The following TRIM29 variants were observed in gnomAD, a reference collection of about 807,000 sequenced individuals.
TRIM29 encodes tripartite motif-containing protein 29.
TRIM29 carries 52 observed loss-of-function variants against 57.3 expected under a neutral mutation model. The observed-to-expected ratio is 0.91, with a 90% CI of 0.73 to 1.14. The LOEUF is 1.14. TRIM29 is among the 50% of genes most tolerant of loss of function. TRIM29 has a pLI of 0.00. For missense variants in TRIM29, 753 were observed against 774.6 expected (o/e 0.97, Z 0.33); for synonymous variants, 319 against 316.9 (o/e 1.01, Z -0.07).
At chr11:120,117,221 T>C in intron 7 of TRIM29, 1 of 204,170 alleles carries the variant, frequency 4.9e-6, no homozygotes, top group Non-Finnish European at 1.0e-5. Flanking sequence ...GAAAGGCGCC[T>C]GCTAGAAGCC....
intron 7 of TRIM29, 181 bp from the exon 8 acceptor site, chr11:120,115,595 G>A: frequency 3.3e-6 from 2 of 597,752 alleles, no homozygotes; most frequent in South Asian, 4.0e-5. Flanking sequence ...ATCCTGGGGA[G>A]GCTGGCCAAA....
intron 6 of TRIM29, among the ~76,000 whole-genome samples, chr11:120,119,655 G>A (rs1283041190): frequency 2.6e-5 from 4 of 152,178 alleles, no homozygotes; most frequent in Non-Finnish European, 2.9e-5. Flanking sequence ...GAGGGGTGCC[G>A]CTGATCACGG....
intron 6 of TRIM29, among the ~76,000 whole-genome samples, chr11:120,119,974 C>A (rs1420206368): frequency 6.6e-6 from 1 of 152,146 alleles, no homozygotes; most frequent in Non-Finnish European, 1.5e-5. Flanking sequence ...CACATCCCCA[C>A]ACCCATTTCA....
chr11:120,116,893 G>GC (rs1341377737), intron 7 of TRIM29: 23 of 344,918 alleles, frequency 6.7e-5, no homozygotes, highest in Non-Finnish European at 1.2e-4. Flanking sequence ...GTGGCAGAGA[G>GC]CCCCCCATGT....
chr11:120,134,525 C>T (rs1863780865), intron 1 of TRIM29, among the ~76,000 whole-genome samples: 1 of 152,220 alleles, frequency 6.6e-6, no homozygotes, highest in Admixed American at 6.5e-5. Context: ...GCCAATGTCC[C>T]CCACCTGTGA....
At chr11:120,120,308 T>C (rs527899034) in intron 6 of TRIM29, among the ~76,000 whole-genome samples, 31 of 150,740 alleles carry the variant, frequency 2.1e-4, no homozygotes, top group Non-Finnish European at 4.0e-4. Flanking sequence ...CTGGCTGTTT[T>C]TCCTCCAGCC....
intron 1 of TRIM29, among the ~76,000 whole-genome samples, chr11:120,134,903 C>T (rs1298306518): frequency 1.3e-5 from 2 of 152,150 alleles, no homozygotes; most frequent in Admixed American, 6.5e-5. Context: ...TCTGTTGGCC[C>T]GGCATTCTGT....
At position 120,112,466 on chromosome 11, in the gene TRIM29, C is replaced by T. The variant is rs752814777; in HGVS notation, c.1715G>A (p.Arg572Gln). 5.6e-6 allele frequency: 9 copies of T among 1,613,366 alleles called. No individual in the cohort carries two copies. In the East Asian group the frequency reaches 6.7e-5, roughly 12 times the overall value. ...GTTGCCTTTGTTGACGTAGAATGGCCGGTAGTGAGACTGTGGGGGAAACAA... is the reference window on the plus strand; with the variant it reads ...GTTGCCTTTGTTGACGTAGAATGGCTGGTAGTGAGACTGTGGGGGAAACAA... Reference protein sequence around the residue: ...SGKQTMLSHYRPFYVNKGNGI... With the variant: ...SGKQTMLSHYQPFYVNKGNGI... The change falls in exon 9 of 9, where the codon CGG (arginine) becomes CAG (glutamine). Residue 572 changes from arginine (R) to glutamine (Q), a missense_variant. Transcript: ENST00000341846.
chr11:120,124,444 A>T (rs537253465), intron 4 of TRIM29: 1 of 152,384 alleles, frequency 6.6e-6, no homozygotes, highest in Admixed American at 6.5e-5. Context: ...TGAACAGCAG[A>T]GTGTTCAACC....
At chr11:120,130,943 G>C (rs2135024670) in intron 1 of TRIM29, among the ~76,000 whole-genome samples, 1 of 152,328 alleles carries the variant, frequency 6.6e-6, no homozygotes, top group East Asian at 1.9e-4. Context: ...TCCGGACACA[G>C]AGTGAACAGT....
intron 1 of TRIM29, among the ~76,000 whole-genome samples, chr11:120,133,970 C>T (rs188540394): frequency 1.1e-4 from 17 of 152,226 alleles, no homozygotes; most frequent in Admixed American, 7.8e-4. Context: ...AGCAGCCAGC[C>T]GTCCACCCAG....
At chr11:120,114,118 G>C (rs11217696) in intron 8 of TRIM29, among the ~76,000 whole-genome samples, 2,907 of 152,276 alleles carry the variant, frequency 0.019, 92 homozygotes, top group East Asian at 0.11. Context: ...CTTCTCTGCA[G>C]CCCAGCGCCT....
At chr11:120,123,759 G>A (rs1350065787) in intron 4 of TRIM29, 2 of 325,008 alleles carry the variant, frequency 6.2e-6, no homozygotes, top group Non-Finnish European at 1.2e-5. Context: ...CTGAGCAAGA[G>A]GAGAAATGTG....
rs10466595 is a variant in TRIM29, at chr11:120,118,399, C to A, written c.1529-78G>T. The A allele has an allele frequency of 7.2e-6, 8 of 1,111,594 alleles. No homozygotes were observed. The African/African-American group carries it at 1.3e-4, about 17-fold the overall frequency. The allele number at this position is 1,111,594 out of a possible 1,614,324, so 68.9% of individuals were successfully genotyped here. ...AGGCAGGACCAGGACACAGCCAGGT[C>A]TATGACTCTCTAGCCGCTGGCCACA... On this transcript the variant is annotated intron_variant, in intron 6 of 8. Transcript: ENST00000341846.
chr11:120,113,016 C>T (rs1393931423), intron 8 of TRIM29, among the ~76,000 whole-genome samples: 1 of 152,188 alleles, frequency 6.6e-6, no homozygotes, highest in African/African-American at 2.4e-5. Context: ...CAGCAGGCTG[C>T]CTCCAAAACC....
chr11:120,120,039 G>C (rs932962140), intron 6 of TRIM29, among the ~76,000 whole-genome samples: 1 of 152,040 alleles, frequency 6.6e-6, no homozygotes, highest in East Asian at 1.9e-4. Context: ...GAGCTCCAGG[G>C]CCAGCCCCAT....
At chr11:120,132,473 C>T (rs1863740181) in intron 1 of TRIM29, among the ~76,000 whole-genome samples, 2 of 152,206 alleles carry the variant, frequency 1.3e-5, no homozygotes, top group South Asian at 4.1e-4. Flanking sequence ...CTCTCTGATG[C>T]CAGGAACGGG....
intron 1 of TRIM29, among the ~76,000 whole-genome samples, chr11:120,136,789 CA>C (rs11310050): frequency 0.16 from 22,876 of 140,336 alleles, 1,827 homozygotes; most frequent in East Asian, 0.43. Flanking sequence ...TTCTTCAAAG[CA>C]AAAAAAAAAA....
At position 120,129,251 on chromosome 11, in the gene TRIM29, A is replaced by C. The variant is rs575903730; in HGVS notation, c.805-756T>G. ...GACATTAGCTTTCACTCCCATACTCACCTTTCATGTGGGGAAATGCCCTTC... is the reference window on the plus strand; with the variant it reads ...GACATTAGCTTTCACTCCCATACTCCCCTTTCATGTGGGGAAATGCCCTTC... On this transcript the variant is annotated intron_variant, in intron 1 of 8. Coordinates refer to ENST00000341846, the MANE Select transcript of TRIM29 (RefSeq NM_012101.4). 4.6e-5 allele frequency among the ~76,000 whole-genome samples: 7 copies of C among 152,188 alleles called. No individual in the cohort carries two copies. The South Asian group carries it at 1.0e-3, about 23-fold the overall frequency.
Sources: gnomAD v4.1 joint callset for allele counts (sites outside exome capture counted in the v4.1 genomes callset) on GRCh38, gnomAD v4.1.1 for gene constraint, MANE v1.5 for transcripts, NCBI Gene and HGNC (gene_info 2026-07-23, HGNC 2026-07-21) for gene names.